SLC13A3: variants seen among roughly 807,000 people sequenced by gnomAD.
SLC13A3 encodes Na(+)/dicarboxylate cotransporter 3.
A neutral mutation model predicts 59.0 loss-of-function variants in SLC13A3; 40 were observed. The observed-to-expected ratio is 0.68, with a 90% confidence interval of 0.53 to 0.88. The LOEUF (loss-of-function observed/expected upper bound fraction) is 0.88. Among genes scored for constraint, SLC13A3 ranks in the 40% least tolerant of loss-of-function variants. The pLI, the probability that SLC13A3 is intolerant of heterozygous loss-of-function variation, is 0.00. For synonymous variants in SLC13A3, 317 were observed against 330.3 expected (o/e 0.96, Z 0.44); for missense variants, 699 against 783.2 (o/e 0.89, Z 1.28).
upstream of SLC13A3, among the ~76,000 whole-genome samples, chr20:46,656,265 A>G (rs2062989922): frequency 1.4e-5 from 2 of 141,186 alleles, 1 homozygote; most frequent in East Asian, 4.3e-4. Context: ...ACTTATATAG[A>G]CTGTACAGTA....
intron 12 of SLC13A3, among the ~76,000 whole-genome samples, chr20:46,561,066 A>T (rs189931887): frequency 1.3e-5 from 2 of 152,322 alleles, no homozygotes; most frequent in East Asian, 3.9e-4. Context: ...CCTGTCTCCC[A>T]TTCTATTCAG....
intron 7 of SLC13A3, among the ~76,000 whole-genome samples, chr20:46,588,801 T>C (rs2062222213): frequency 6.6e-6 from 1 of 152,140 alleles, no homozygotes; most frequent in African/African-American, 2.4e-5. Context: ...AACACAGGCC[T>C]ACTGAACCCG....
intron 1 of SLC13A3, among the ~76,000 whole-genome samples, chr20:46,633,944 T>C (rs926988602): frequency 6.6e-6 from 1 of 152,238 alleles, no homozygotes; most frequent in Non-Finnish European, 1.5e-5. Flanking sequence ...GCAACTTCTC[T>C]GCCCATGTGT....
At chr20:46,597,213 T>C (rs922765386) in intron 4 of SLC13A3, among the ~76,000 whole-genome samples, 2 of 152,186 alleles carry the variant, frequency 1.3e-5, no homozygotes, top group Non-Finnish European at 2.9e-5. Context: ...GTTGTTTTTC[T>C]TGTACAGTTA....
At position 46,600,024 on chromosome 20, in the gene SLC13A3, T is replaced by A; in HGVS notation, c.555A>T (p.Arg185Ser). 6 of 1,568,576 alleles carry A rather than the reference T, an allele frequency of 3.8e-6. No homozygotes were observed. Among genetic ancestry groups the A allele is most frequent in the Non-Finnish European group, 5.2e-6 (6 of 1,148,358 alleles). ...ESEENTAAVR[R>S]NGLHTVPTEM... ...CCGTGGGCACAGTGTGTAGGCCGTTTCTCCGCACAGCAGCTAGGAGGAAAG... is the reference window on the plus strand; with the variant it reads ...CCGTGGGCACAGTGTGTAGGCCGTTACTCCGCACAGCAGCTAGGAGGAAAG... The change falls in exon 4 of 13, where the codon AGA becomes AGT. Residue 185 changes from arginine to serine, a missense_variant. Transcript: ENST00000279027.
chr20:46,634,357 A>T (rs902698219), intron 1 of SLC13A3, among the ~76,000 whole-genome samples: 3 of 152,188 alleles, frequency 2.0e-5, no homozygotes, highest in African/African-American at 7.2e-5. Context: ...AGTTGAGGCC[A>T]CCGGGAAGTC....
chr20:46,639,701 A>C (rs1348492395), intron 1 of SLC13A3, among the ~76,000 whole-genome samples: 1 of 152,156 alleles, frequency 6.6e-6, no homozygotes, highest in Non-Finnish European at 1.5e-5. Context: ...CCCTTCCCTG[A>C]TGGCCTCCAC....
intron 1 of SLC13A3, among the ~76,000 whole-genome samples, chr20:46,678,580 T>C (rs1392398171): frequency 2.0e-5 from 3 of 152,212 alleles, no homozygotes; most frequent in African/African-American, 4.8e-5. Flanking sequence ...CCTCCGGTTA[T>C]TGCCATTGCA....
At chr20:46,636,935 G>A (rs1461712978) in intron 1 of SLC13A3, among the ~76,000 whole-genome samples, 1 of 151,870 alleles carries the variant, frequency 6.6e-6, no homozygotes, top group African/African-American at 2.4e-5. Flanking sequence ...TGAGTAGCTG[G>A]GATTATAGGC....
At chr20:46,632,911 A>AGACAGATAGCTCTT (rs1253627891) in intron 1 of SLC13A3, among the ~76,000 whole-genome samples, 1,898 of 55,540 alleles carry the variant, frequency 0.034, 60 homozygotes, top group Non-Finnish European at 0.044. Flanking sequence ...ATAGATAGAT[A>AGACAGATAGCTCTT]TATCTATCTA....
At chr20:46,586,647 T>G (rs1272785977) in intron 8 of SLC13A3, among the ~76,000 whole-genome samples, 1 of 152,158 alleles carries the variant, frequency 6.6e-6, no homozygotes, top group Non-Finnish European at 1.5e-5. Context: ...CTAAAAAATA[T>G]TCTTCTCCAA....
intron 3 of SLC13A3, among the ~76,000 whole-genome samples, chr20:46,600,407 GAGGA>G (rs1003461265): frequency 2.2e-4 from 32 of 143,604 alleles, no homozygotes; most frequent in Non-Finnish European, 4.0e-4. Flanking sequence ...AGAAAGAAAG[GAGGA>G]AGGAAGGAAG....
At chr20:46,623,122 C>T (rs1305254171) in intron 1 of SLC13A3, among the ~76,000 whole-genome samples, 1 of 152,092 alleles carries the variant, frequency 6.6e-6, no homozygotes, top group Non-Finnish European at 1.5e-5. Context: ...GACAGGATAA[C>T]CCTGTTACCT....
chr20:46,566,603 C>T, intron 10 of SLC13A3: 2 of 490,138 alleles, frequency 4.1e-6, no homozygotes, highest in Non-Finnish European at 7.2e-6. Context: ...GAACTGCTCT[C>T]CACTCTATCT....
chr20:46,622,253 G>A (rs2062622990), intron 1 of SLC13A3, among the ~76,000 whole-genome samples: 1 of 152,154 alleles, frequency 6.6e-6, no homozygotes. Flanking sequence ...ATGAGTAAGT[G>A]AACATCTGCC....
intron 10 of SLC13A3, among the ~76,000 whole-genome samples, chr20:46,570,091 A>T (rs1306307906): frequency 6.6e-6 from 1 of 152,228 alleles, no homozygotes; most frequent in African/African-American, 2.4e-5. Context: ...GTACATGTAT[A>T]AACATTCAAA....
upstream of SLC13A3, chr20:46,684,481 G>C (rs1174258505): frequency 6.6e-6 from 1 of 152,236 alleles, no homozygotes; most frequent in African/African-American, 2.4e-5. Context: ...GTGGCAGCAG[G>C]AAGTGCCGAA....
intron 3 of SLC13A3, among the ~76,000 whole-genome samples, chr20:46,604,716 C>T (rs1038676106): frequency 6.6e-6 from 1 of 152,170 alleles, no homozygotes; most frequent in Non-Finnish European, 1.5e-5. Flanking sequence ...GTTGAATCAG[C>T]TGCCCTGGGC....
chr20:46,585,146 A>C, intron 8 of SLC13A3: 1 of 967,536 alleles, frequency 1.0e-6, no homozygotes. Flanking sequence ...AAATAAAATT[A>C]AAAAAAAAGA....
Sources: gnomAD v4.1 joint callset for allele counts (sites outside exome capture counted in the v4.1 genomes callset) on GRCh38, gnomAD v4.1.1 for gene constraint, MANE v1.5 for transcripts, NCBI Gene and HGNC (gene_info 2026-07-23, HGNC 2026-07-21) for gene names.